The following TRPC4AP variants were observed in gnomAD, a reference collection of about 807,000 sequenced individuals.
TRPC4AP encodes transient receptor potential cation channel subfamily C member 4 associated protein.
A neutral mutation model predicts 99.0 loss-of-function variants in TRPC4AP; 45 were observed. The observed-to-expected ratio is 0.45, with a 90% CI of 0.36 to 0.58. The LOEUF is 0.58. TRPC4AP is among the 20% of genes least tolerant of loss of function. The pLI is 0.00. For missense variants in TRPC4AP, 879 were observed against 985.3 expected (o/e 0.89, Z 1.44); for synonymous variants, 408 against 385.8 (o/e 1.06, Z -0.67).
chr20:35,042,814 TTAGAA>T (rs1212290216), intron 7 of TRPC4AP, among the ~76,000 whole-genome samples: 8 of 152,210 alleles, frequency 5.3e-5, no homozygotes, highest in African/African-American at 1.9e-4. Flanking sequence ...GCTAGATTGG[TTAGAA>T]TAGTGTTTTG....
At chr20:35,051,347 G>A (rs906174966) in intron 5 of TRPC4AP, among the ~76,000 whole-genome samples, 14 of 152,106 alleles carry the variant, frequency 9.2e-5, no homozygotes, top group Non-Finnish European at 1.5e-5. Context: ...TGCCCAGGCT[G>A]AGGCCATGAC....
chr20:35,066,296 G>A (rs902682777), intron 3 of TRPC4AP, among the ~76,000 whole-genome samples: 4 of 152,022 alleles, frequency 2.6e-5, no homozygotes, highest in Non-Finnish European at 5.9e-5. Flanking sequence ...TAGTAGTGAT[G>A]GGGTTTTGCC....
Position 35,092,596 on chromosome 20 carries a change from C to T in TRPC4AP, c.168+18G>A. 1 of 1,477,424 alleles carries T rather than the reference C, an allele frequency of 6.8e-7. No homozygotes were observed. Among genetic ancestry groups the T allele is most frequent in the Non-Finnish European group, 8.9e-7 (1 of 1,123,008 alleles). 91.5% of individuals were successfully genotyped at this position (1,477,424 alleles called of 1,614,324 possible). On this transcript the variant is annotated intron_variant, in intron 1 of 18. Transcript: ENST00000252015. ...GCCTGGTCCGCCCCGCCCCGCCCCT[C>T]CTGGTCCAGCCTCGTACCTGCACCG...
chr20:35,057,407 T>C (rs2083862205), intron 4 of TRPC4AP, 107 bp downstream of exon 4: 2 of 872,278 alleles, frequency 2.3e-6, no homozygotes, highest in South Asian at 3.1e-5. Flanking sequence ...GTAAGACATG[T>C]CCTTACTATT....
At chr20:35,012,429 T>C (rs2082659903) in intron 11 of TRPC4AP, among the ~76,000 whole-genome samples, 1 of 152,240 alleles carries the variant, frequency 6.6e-6, no homozygotes, top group Non-Finnish European at 1.5e-5. Flanking sequence ...TCTTGTTCAC[T>C]AAGGTCCCCA....
At chr20:35,089,803 G>A (rs894719304) in intron 1 of TRPC4AP, among the ~76,000 whole-genome samples, 3 of 152,026 alleles carry the variant, frequency 2.0e-5, no homozygotes, top group Admixed American at 6.6e-5. Context: ...CCGAGATTGC[G>A]CCACTGCACT....
intron 3 of TRPC4AP, among the ~76,000 whole-genome samples, chr20:35,060,247 C>T (rs1429531471): frequency 2.6e-5 from 4 of 152,032 alleles, no homozygotes; most frequent in Admixed American, 1.3e-4. Context: ...TGCATATATA[C>T]ACAAAAATCC....
chr20:35,040,086 C>A (rs1359514523), intron 7 of TRPC4AP, among the ~76,000 whole-genome samples: 2 of 151,860 alleles, frequency 1.3e-5, no homozygotes, highest in African/African-American at 2.4e-5. Context: ...GTCCCCACCC[C>A]CCGCGCCCCC....
At chr20:35,041,619 A>G (rs1381730833) in intron 7 of TRPC4AP, among the ~76,000 whole-genome samples, 1 of 152,240 alleles carries the variant, frequency 6.6e-6, no homozygotes, top group Non-Finnish European at 1.5e-5. Flanking sequence ...AGCTGACCAG[A>G]ACAGTTCATT....
rs1179879421 is a variant in TRPC4AP, at chr20:35,008,740, C to T, written c.1519G>A (p.Val507Met). Residue 507 changes from valine (V) to methionine (M), a missense_variant, in exon 13 of 19, where the codon GTG (valine) becomes ATG (methionine). By Grantham distance (21) the Val-to-Met change is conservative (BLOSUM62 1). This residue lies in a region of TRPC4AP where 603 missense variants were observed against 631.8 expected (regional missense o/e 0.95). Transcript: ENST00000252015. ...EAVLNTDRSLVCDGKRGLLTR... is the reference protein window; with the variant it reads ...EAVLNTDRSLMCDGKRGLLTR... ...AATAAGCCCCTCTTCCCATCACACA[C>T]CAAACTCCTGAAATAGAAGAGAGAT... The T allele has an allele frequency of 4.3e-6, 7 of 1,613,668 alleles. No individual in the cohort carries two copies. Among genetic ancestry groups the T allele is most frequent in the African/African-American group, 1.3e-5 (1 of 74,890 alleles).
In TRPC4AP at chr20:35,086,525, ATGTGTGTGTGTGTGTGTGTGTGTG is replaced by A. The variant is rs1176461079; in HGVS notation, c.168+6065_168+6088del. ...TATATATATGTGTGTGTGTGTATAT[ATGTGTGTGTGTGTGTGTGTGTGTG>A]TGTGTGTGTGTGTGTGTGTGTGTGT... On this transcript the variant is annotated intron_variant, in intron 1 of 18. Transcript: ENST00000252015. 3.6e-3 allele frequency among the ~76,000 whole-genome samples: 247 copies of A among 69,212 alleles called. 27 individuals carry two copies. Among genetic ancestry groups the A allele is most frequent in the Middle Eastern group, 9.6e-3 (1 of 104 alleles). The allele number at this position is 69,212 out of a possible 152,430, so 45.4% of individuals were successfully genotyped here. A position where few individuals can be genotyped will look rare whatever the true frequency, so the allele number is the denominator to read the frequency against.
intron 2 of TRPC4AP, 92 bp from the exon 3 acceptor site, chr20:35,069,504 A>G (rs939567827): frequency 5.1e-6 from 4 of 791,090 alleles, no homozygotes; most frequent in Non-Finnish European, 8.6e-6. Context: ...TCCCAACTGG[A>G]GTTCCCATGA....
intron 8 of TRPC4AP, among the ~76,000 whole-genome samples, chr20:35,032,467 CTTTT>C (rs35808832): frequency 6.3e-5 from 6 of 95,214 alleles, no homozygotes; most frequent in East Asian, 6.6e-4. Context: ...GTTCTTTGAT[CTTTT>C]TTTTTTTTTT....
Position 35,091,744 on chromosome 20 carries a change from A to C in TRPC4AP, c.168+870T>G, listed in dbSNP as rs561500611. Among the ~76,000 whole-genome samples, 18 of 152,314 alleles carry C rather than the reference A, an allele frequency of 1.2e-4. No homozygotes were observed. The South Asian group carries it at 3.7e-3, about 32-fold the overall frequency. ...TAATCATATGTTGGGCACCTGTTAT[A>C]AGTCAGATGCTTAATATTAACTACC... On this transcript the variant is annotated intron_variant, in intron 1 of 18. Transcript: ENST00000252015.
intron 8 of TRPC4AP, among the ~76,000 whole-genome samples, chr20:35,028,727 G>C (rs952525494): frequency 6.6e-6 from 1 of 152,062 alleles, no homozygotes; most frequent in African/African-American, 2.4e-5. Context: ...TTTCCCTGTT[G>C]ATCTTCTGCT....
intron 2 of TRPC4AP, among the ~76,000 whole-genome samples, chr20:35,070,611 C>T (rs1047025880): frequency 9.2e-5 from 14 of 152,086 alleles, no homozygotes; most frequent in African/African-American, 2.9e-4. Flanking sequence ...GGGGTTTCAC[C>T]GTGGTCTCCA....
intron 6 of TRPC4AP, 70 bp downstream of exon 6, chr20:35,049,796 T>C (rs1269510243): frequency 2.0e-6 from 3 of 1,509,514 alleles, no homozygotes; most frequent in Admixed American, 4.4e-5. Flanking sequence ...CTCTGTATAT[T>C]ATTCAGTTTT....
intron 12 of TRPC4AP, 131 bp from the exon 13 acceptor site, chr20:35,008,878 C>A: frequency 1.3e-6 from 1 of 767,194 alleles, no homozygotes; most frequent in Non-Finnish European, 2.1e-6. Context: ...CCTTCCTGCT[C>A]CAACTGGGTC....
chr20:35,007,953 A>G (rs1213033206), intron 13 of TRPC4AP, among the ~76,000 whole-genome samples: 1 of 152,176 alleles, frequency 6.6e-6, no homozygotes, highest in Non-Finnish European at 1.5e-5. Context: ...TTGCCCTTTC[A>G]CAAGAATGGG....
Sources: gnomAD v4.1 joint callset for allele counts (sites outside exome capture counted in the v4.1 genomes callset) on GRCh38, gnomAD v4.1.1 for gene constraint, gnomAD v4.1.1 regional missense constraint, MANE v1.5 for transcripts, NCBI Gene and HGNC (gene_info 2026-07-23, HGNC 2026-07-21) for gene names.